Variants in TMEM266 observed in about 807,000 individuals in gnomAD.
TMEM266 encodes the protein transmembrane protein 266, also known as Hv1 related protein 1.
TMEM266 carries 33 observed loss-of-function variants against 50.5 expected under a neutral mutation model. The ratio of observed to expected loss-of-function variants is 0.65; its 90% confidence interval spans 0.50 to 0.87. The LOEUF (loss-of-function observed/expected upper bound fraction) is 0.87, where lower values mean the gene tolerates loss of function less well. Among genes scored for constraint, TMEM266 ranks in the 40% least tolerant of loss-of-function variants. The pLI is 0.00. For synonymous variants in TMEM266, 310 were observed against 292.3 expected, an observed-to-expected ratio of 1.06 and a Z score of -0.62; for missense variants, 655 against 695.1, an observed-to-expected ratio of 0.94 and a Z score of 0.65.
intron 1 of TMEM266, among the ~76,000 whole-genome samples, chr15:76,099,472 C>T (rs1006498859): frequency 2.6e-5 from 4 of 152,236 alleles, no homozygotes; most frequent in Admixed American, 2.6e-4. Context: ...AATCACCCAT[C>T]TTCTGTGTCG....
chr15:76,061,044 C>G (rs1170968407), intron 1 of TMEM266, among the ~76,000 whole-genome samples: 1 of 152,170 alleles, frequency 6.6e-6, no homozygotes, highest in Non-Finnish European at 1.5e-5. Context: ...ATTTCCCTGG[C>G]TTTTCACCTT....
chr15:76,138,636 A>G (rs1390292685), intron 3 of TMEM266, among the ~76,000 whole-genome samples: 2 of 152,238 alleles, frequency 1.3e-5, no homozygotes, highest in African/African-American at 4.8e-5. Context: ...ATGCAGGAAC[A>G]TGCTTAGGAT....
chr15:76,183,336 G>A (rs565740842), intron 8 of TMEM266, among the ~76,000 whole-genome samples: 7 of 152,002 alleles, frequency 4.6e-5, no homozygotes, highest in South Asian at 2.1e-4. Context: ...GGCTGGTCTC[G>A]AACTCCTGAC....
At chr15:76,145,152 T>C (rs1286818701) in intron 3 of TMEM266, among the ~76,000 whole-genome samples, 1 of 152,198 alleles carries the variant, frequency 6.6e-6, no homozygotes, top group Non-Finnish European at 1.5e-5. Flanking sequence ...CTCTGCACTC[T>C]GCTGGCCGCA....
At chr15:76,106,013 C>T (rs896327968) in intron 1 of TMEM266, among the ~76,000 whole-genome samples, 1 of 152,268 alleles carries the variant, frequency 6.6e-6, no homozygotes, top group Non-Finnish European at 1.5e-5. Context: ...TGCTAAACTG[C>T]CACCCTGTCT....
At chr15:76,169,068 G>A (rs2038145298) in intron 5 of TMEM266, among the ~76,000 whole-genome samples, 1 of 152,172 alleles carries the variant, frequency 6.6e-6, no homozygotes, top group South Asian at 2.1e-4. Flanking sequence ...TTTGTCTTGC[G>A]GCCTGGCCCT....
chr15:76,140,651 G>A (rs1473052577), intron 3 of TMEM266, among the ~76,000 whole-genome samples: 6 of 152,168 alleles, frequency 3.9e-5, no homozygotes. Context: ...GACCGTTAGA[G>A]CTGGAAGAGA....
intron 10 of TMEM266, among the ~76,000 whole-genome samples, chr15:76,203,216 A>G (rs915165813): frequency 6.7e-5 from 10 of 149,784 alleles, no homozygotes; most frequent in Non-Finnish European, 1.3e-4. Flanking sequence ...TCCTCAGACC[A>G]TGGAACCCAA....
intron 1 of TMEM266, chr15:76,112,621 G>C (rs560670985): frequency 6.6e-6 from 1 of 152,274 alleles, no homozygotes; most frequent in South Asian, 2.1e-4. Flanking sequence ...TTGACTTGTC[G>C]AGAGCTGTCC....
At chr15:76,078,003 A>G (rs141319843) in intron 1 of TMEM266, among the ~76,000 whole-genome samples, 46 of 152,250 alleles carry the variant, frequency 3.0e-4, no homozygotes, top group African/African-American at 1.0e-3. Flanking sequence ...TCCAGAACAC[A>G]GTTGTCATTT....
intron 8 of TMEM266, among the ~76,000 whole-genome samples, chr15:76,182,266 T>C (rs1018724029): frequency 7.2e-5 from 11 of 151,990 alleles, no homozygotes; most frequent in African/African-American, 2.7e-4. Flanking sequence ...AAATTGGAGG[T>C]AACAAGGCCT....
chr15:76,109,063 C>T (rs1348641425), intron 1 of TMEM266: 1 of 152,166 alleles, frequency 6.6e-6, no homozygotes, highest in Non-Finnish European at 1.5e-5. Context: ...AGCACATTAC[C>T]TGGGACCGGG....
intron 1 of TMEM266, among the ~76,000 whole-genome samples, chr15:76,100,048 A>G (rs1273532530): frequency 6.6e-6 from 1 of 152,108 alleles, no homozygotes; most frequent in Admixed American, 6.5e-5. Flanking sequence ...ATCACCTCCC[A>G]CCAGGCCCCT....
At chr15:76,138,660 G>A (rs1169819098) in intron 3 of TMEM266, among the ~76,000 whole-genome samples, 1 of 152,248 alleles carries the variant, frequency 6.6e-6, no homozygotes, top group Non-Finnish European at 1.5e-5. Flanking sequence ...AGGGAATCTA[G>A]AGAATTCGGC....
At position 76,191,976 on chromosome 15, in the gene TMEM266, C is replaced by A; in HGVS notation, c.777C>A (p.Ile259=). Residue 259 remains isoleucine, a synonymous_variant, in exon 9 of 11, where the codon ATC becomes ATA. Coordinates refer to ENST00000388942, the MANE Select transcript of TMEM266 (RefSeq NM_152335.3). ...CCCGTCTCCCTCCGCAGTTTGAGAT[C>A]CGGCAGCTGCGCGCGCACCTGGCGC... 1 of 1,582,666 alleles carries A rather than the reference C, an allele frequency of 6.3e-7. No individual in the cohort carries two copies. Among genetic ancestry groups the A allele is most frequent in the Non-Finnish European group, 8.6e-7 (1 of 1,169,478 alleles).
At chr15:76,187,144 CTGAATGAA>C (rs3065642) in intron 8 of TMEM266, among the ~76,000 whole-genome samples, 1 of 151,840 alleles carries the variant, frequency 6.6e-6, no homozygotes, top group Non-Finnish European at 1.5e-5. Flanking sequence ...TGACTTCCTA[CTGAATGAA>C]TGAATGAATG....
chr15:76,146,246 G>A (rs1285471238), intron 3 of TMEM266, among the ~76,000 whole-genome samples: 1 of 152,164 alleles, frequency 6.6e-6, no homozygotes, highest in African/African-American at 2.4e-5. Context: ...ATGACACTCT[G>A]TGCACACATA....
In TMEM266 at chr15:76,096,932, A is replaced by ATTT. The variant is rs61532742; in HGVS notation, c.-97+36931_-97+36933dup. 1.3e-3 allele frequency among the ~76,000 whole-genome samples: 160 copies of ATTT among 125,928 alleles called. No homozygotes were observed. In the Middle Eastern group the frequency reaches 0.025, roughly 20 times the overall value. 82.6% of individuals were successfully genotyped at this position (125,928 alleles called of 152,430 possible). A position where few individuals can be genotyped will look rare whatever the true frequency, so the allele number is the denominator to read the frequency against. On this transcript the variant is annotated intron_variant, in intron 1 of 10. Coordinates refer to ENST00000388942, the MANE Select transcript of TMEM266 (RefSeq NM_152335.3). ...ATCAGAGATTAGGATGCAACTCCTG[A>ATTT]TTTTTTTTTTTTTTTTTGCTTTCCA...
Position 76,153,776 on chromosome 15 carries a change from G to A in TMEM266, c.228-2828G>A, listed in dbSNP as rs543238032. Among the ~76,000 whole-genome samples the A allele has an allele frequency of 6.6e-5, 10 of 152,142 alleles. No individual in the cohort carries two copies. Among genetic ancestry groups the A allele is most frequent in the Non-Finnish European group, 1.5e-4 (10 of 67,994 alleles). On this transcript the variant is annotated intron_variant, in intron 3 of 10. Coordinates refer to ENST00000388942, the MANE Select transcript of TMEM266 (RefSeq NM_152335.3). The surrounding 1 kb of genome is among the most constrained non-coding windows in gnomAD (Gnocchi z 4.2). ...AGAAGCAGGGGGAGTAGGTGAGGCC[G>A]GAAGGAAGAATCAGGAGGTGAGGAG...
Sources: gnomAD v4.1 joint callset for allele counts (sites outside exome capture counted in the v4.1 genomes callset) on GRCh38, gnomAD v4.1.1 for gene constraint, Gnocchi (gnomAD v3.1) non-coding constraint, MANE v1.5 for transcripts, NCBI Gene and HGNC (gene_info 2026-07-23, HGNC 2026-07-21) for gene names.